CENPK: variants seen among roughly 807,000 people sequenced by gnomAD.
CENPK encodes centromere protein K, also known as SoxLZ/Sox6-binding protein Solt.
In CENPK, 46 loss-of-function variants were observed where a neutral mutation model predicts 40.9. The observed-to-expected ratio is 1.13, with a 90% CI of 0.89 to 1.44. The LOEUF is 1.44. Among genes scored for constraint, CENPK ranks in the 40% most tolerant of loss-of-function variants. The pLI is 0.00. For missense variants in CENPK, 288 were observed against 303.5 expected (o/e 0.95, Z 0.38); for synonymous variants, 107 against 104.4 (o/e 1.02, Z -0.15).
chr5:65,496,684 G>C, the CENPK span, among the ~76,000 whole-genome samples: 29 of 152,088 alleles, frequency 1.9e-4, no homozygotes, highest in Non-Finnish European at 3.4e-4. Flanking sequence ...TCTCTGGGTG[G>C]TGGGGTTTTT....
At chr5:65,531,388 T>C (rs1580947556) in intron 6 of CENPK, among the ~76,000 whole-genome samples, 1 of 148,884 alleles carries the variant, frequency 6.7e-6, no homozygotes. Context: ...AATAAAAACA[T>C]TAACATCAAA....
chr5:65,561,434 A>G, intron 2 of CENPK, 29 bp downstream of exon 2: 1 of 438,476 alleles, frequency 2.3e-6, no homozygotes. Context: ...ATAAAAACAT[A>G]TAGAAACATT....
rs150848476 is a variant in CENPK at position 65,520,493 on chromosome 5, T to C, written c.651+982A>G. On this transcript the variant is annotated intron_variant, in intron 10 of 10. Coordinates refer to ENST00000396679, the MANE Select transcript of CENPK (RefSeq NM_022145.5). ...CATGTAATACCTTTCAGTATTTCCA[T>C]GACTGACAATTTTTATTAAAAAAAA... 3.3e-4 allele frequency among the ~76,000 whole-genome samples: 50 copies of C among 152,276 alleles called. 2 individuals carry two copies. The East Asian group carries it at 9.3e-3, about 28-fold the overall frequency.
At chr5:65,560,290 A>G (rs566196686) in intron 2 of CENPK, among the ~76,000 whole-genome samples, 3 of 152,232 alleles carry the variant, frequency 2.0e-5, no homozygotes, top group Admixed American at 2.0e-4. Context: ...CAAATTCATA[A>G]GAAGAAACCA....
the CENPK span, among the ~76,000 whole-genome samples, chr5:65,501,376 A>C: frequency 1.3e-5 from 2 of 151,498 alleles, no homozygotes; most frequent in Non-Finnish European, 2.9e-5. Context: ...ATGGGGTTTC[A>C]CCATGTTGGC....
downstream of CENPK, among the ~76,000 whole-genome samples, chr5:65,517,061 GC>G (rs1342977222): frequency 2.0e-5 from 3 of 151,894 alleles, no homozygotes; most frequent in African/African-American, 4.8e-5. Flanking sequence ...CCCTGCCTCA[GC>G]CTTCAAGTAG....
downstream of CENPK, among the ~76,000 whole-genome samples, chr5:65,514,262 A>T (rs7725281): frequency 0.068 from 1,926 of 28,240 alleles, 66 homozygotes; most frequent in African/African-American, 0.094. Flanking sequence ...TTTTTTTTTT[A>T]GTTTTTTTTA....
chr5:65,537,391 T>C (rs1425588760), intron 6 of CENPK, among the ~76,000 whole-genome samples: 1 of 152,134 alleles, frequency 6.6e-6, no homozygotes, highest in African/African-American at 2.4e-5. Context: ...TGCAAGGTCC[T>C]CCTCCCGGGT....
the CENPK span, among the ~76,000 whole-genome samples, chr5:65,504,056 T>C: frequency 1.3e-5 from 2 of 152,054 alleles, no homozygotes; most frequent in South Asian, 4.1e-4. Flanking sequence ...CTTGCGATCA[T>C]TATACTAAGT....
chr5:65,522,908 C>A (rs1283615061), intron 9 of CENPK, among the ~76,000 whole-genome samples: 1 of 152,166 alleles, frequency 6.6e-6, no homozygotes, highest in African/African-American at 2.4e-5. Context: ...GACTGGAATT[C>A]TATTCATTAA....
chr5:65,512,377 ATC>A, the CENPK span, among the ~76,000 whole-genome samples: 1 of 152,176 alleles, frequency 6.6e-6, no homozygotes, highest in Admixed American at 6.5e-5. Context: ...CTACTGAGAA[ATC>A]TTTTTGTGAA....
chr5:65,505,059 C>G, the CENPK span, among the ~76,000 whole-genome samples: 1 of 152,114 alleles, frequency 6.6e-6, no homozygotes, highest in Non-Finnish European at 1.5e-5. Flanking sequence ...TCTCAATTAG[C>G]TGGGACTACA....
intron 6 of CENPK, among the ~76,000 whole-genome samples, chr5:65,530,559 AC>A (rs1178286230): frequency 6.6e-6 from 1 of 152,236 alleles, no homozygotes; most frequent in Non-Finnish European, 1.5e-5. Flanking sequence ...TACAATAAGC[AC>A]TAGTGTTCCA....
intron 6 of CENPK, among the ~76,000 whole-genome samples, chr5:65,542,327 C>T (rs1748114817): frequency 6.6e-6 from 1 of 152,126 alleles, no homozygotes; most frequent in African/African-American, 2.4e-5. Flanking sequence ...AGTTCTGATG[C>T]AAAAACCGAG....
intron 5 of CENPK, among the ~76,000 whole-genome samples, chr5:65,547,537 T>A (rs1451048271): frequency 6.6e-6 from 1 of 152,042 alleles, no homozygotes; most frequent in Non-Finnish European, 1.5e-5. Context: ...AATTAATGAC[T>A]AACAGGTAGT....
the CENPK span, among the ~76,000 whole-genome samples, chr5:65,497,395 T>C: frequency 6.6e-6 from 1 of 151,908 alleles, no homozygotes; most frequent in Non-Finnish European, 1.5e-5. Context: ...AATTAGTTCC[T>C]CACGGGCTGT....
rs114129012 is a variant in CENPK, at chr5:65,545,833, T to A, written c.242-2985A>T. 1.9e-3 allele frequency among the ~76,000 whole-genome samples: 288 copies of A among 152,280 alleles called. 3 individuals are homozygous for A. Among genetic ancestry groups the A allele is most frequent in the African/African-American group, 6.8e-3 (284 of 41,550 alleles). On this transcript the variant is annotated intron_variant, in intron 5 of 10. Transcript: ENST00000396679. ...CCCTAAGCAGACGACCCAGTTAAGC[T>A]GTGTCCAGACTCCTATCTGCAGAAA...
intron 2 of CENPK, among the ~76,000 whole-genome samples, chr5:65,558,182 A>G (rs1751311476): frequency 6.6e-6 from 1 of 152,194 alleles, no homozygotes; most frequent in African/African-American, 2.4e-5. Context: ...TTTTCTTTAA[A>G]GCACAAGAGA....
At chr5:65,547,993 A>T (rs938262071) in intron 5 of CENPK, among the ~76,000 whole-genome samples, 15 of 152,250 alleles carry the variant, frequency 9.9e-5, no homozygotes, top group Admixed American at 9.2e-4. Flanking sequence ...GGAAAGAGAA[A>T]TGATAAGCCT....
Sources: allele counts gnomAD v4.1 joint callset (sites outside exome capture counted in the v4.1 genomes callset), GRCh38; gene constraint gnomAD v4.1.1; transcripts MANE v1.5; gene names NCBI Gene and HGNC (gene_info 2026-07-23, HGNC 2026-07-21).